Variants in SLC24A3 observed in about 807,000 individuals in gnomAD.
SLC24A3 encodes the protein solute carrier family 24 member 3.
A neutral mutation model predicts 75.8 loss-of-function variants in SLC24A3; 28 were observed. That is an observed-to-expected ratio of 0.37 (90% CI 0.27 to 0.51). The LOEUF (loss-of-function observed/expected upper bound fraction) is 0.51, where lower values mean the gene tolerates loss of function less well. SLC24A3 is among the 20% of genes least tolerant of loss of function. SLC24A3 has a pLI of 0.94. For missense variants in SLC24A3, 663 were observed against 847.8 expected (o/e 0.78, Z 2.71); for synonymous variants, 372 against 334.1 (o/e 1.11, Z -1.24).
At chr20:19,647,202 A>G (rs546587405) in intron 6 of SLC24A3, among the ~76,000 whole-genome samples, 2 of 152,154 alleles carry the variant, frequency 1.3e-5, no homozygotes, top group African/African-American at 2.4e-5. Context: ...CCCCACTAGG[A>G]TGGAGTCCCA....
chr20:19,466,690 G>A (rs1987771321), intron 2 of SLC24A3, among the ~76,000 whole-genome samples: 1 of 146,262 alleles, frequency 6.8e-6, no homozygotes, highest in African/African-American at 2.8e-5. Flanking sequence ...TTCAGTTTCT[G>A]AGGGTGGTAA....
intron 2 of SLC24A3, among the ~76,000 whole-genome samples, chr20:19,450,990 ACT>A (rs1987470344): frequency 2.0e-5 from 3 of 151,830 alleles, no homozygotes; most frequent in South Asian, 4.2e-4. Flanking sequence ...ACAGAGCGAG[ACT>A]CTGTTTCAAA....
intron 2 of SLC24A3, among the ~76,000 whole-genome samples, chr20:19,346,220 ATGTATATATGG>A (rs1568595793): frequency 0.021 from 1,743 of 84,886 alleles, 287 homozygotes; most frequent in African/African-American, 0.087. Flanking sequence ...TATGGTGTAT[ATGTATATATGG>A]TATATATATA....
At chr20:19,408,034 C>T (rs1213103323) in intron 2 of SLC24A3, among the ~76,000 whole-genome samples, 2 of 152,144 alleles carry the variant, frequency 1.3e-5, no homozygotes, top group African/African-American at 4.8e-5. Flanking sequence ...GTTTGCAAAA[C>T]GCTTCTAAGA....
chr20:19,631,791 A>AGTGTGTGTGTGTGTGTGTGTGTGT (rs148278633), intron 6 of SLC24A3, among the ~76,000 whole-genome samples: 2 of 147,838 alleles, frequency 1.4e-5, no homozygotes, highest in African/African-American at 5.0e-5. Flanking sequence ...TATGAGTGAG[A>AGTGTGTGTGTGTGTGTGTGTGTGT]GTGTGTGTGT....
At chr20:19,403,971 T>C (rs747062215) in intron 2 of SLC24A3, among the ~76,000 whole-genome samples, 9 of 152,246 alleles carry the variant, frequency 5.9e-5, no homozygotes, top group Admixed American at 1.3e-4. Flanking sequence ...TCAGGTCTCC[T>C]GTGTGCTTCT....
At chr20:19,455,250 C>A in intron 2 of SLC24A3, among the ~76,000 whole-genome samples, 2 of 152,204 alleles carry the variant, frequency 1.3e-5, no homozygotes, top group Middle Eastern at 6.8e-3. Flanking sequence ...TTTTTGTTTT[C>A]TTTTTCCATA....
At chr20:19,490,912 C>T (rs1408364662) in intron 2 of SLC24A3, among the ~76,000 whole-genome samples, 1 of 152,222 alleles carries the variant, frequency 6.6e-6, no homozygotes, top group African/African-American at 2.4e-5. Context: ...CTGCTCCTCC[C>T]TCATGGCAAT....
rs6035423 is a variant in SLC24A3, at chr20:19,709,820, C to A, written c.1720-7708C>A. 3.9e-5 allele frequency among the ~76,000 whole-genome samples: 6 copies of A among 152,080 alleles called. No homozygotes were observed. The East Asian group carries it at 1.2e-3, about 29-fold the overall frequency. ...TAAACTTGACTAAGTGGTTTAACCT[C>A]TCTGAGCCTCAGTTGTCTCATCTTT... On this transcript the variant is annotated intron_variant, in intron 15 of 16. Coordinates refer to ENST00000328041, the MANE Select transcript of SLC24A3 (RefSeq NM_020689.4).
At chr20:19,678,503 G>A (rs1255544381) in intron 9 of SLC24A3, among the ~76,000 whole-genome samples, 8 of 137,990 alleles carry the variant, frequency 5.8e-5, no homozygotes, top group South Asian at 2.3e-4. Flanking sequence ...GCGGCTGGCC[G>A]GGCGGGGGGC....
chr20:19,306,672 T>C (rs58419093), intron 2 of SLC24A3, among the ~76,000 whole-genome samples: 23,628 of 150,716 alleles, frequency 0.16, 4,490 homozygotes, highest in African/African-American at 0.43. Context: ...GACATAAAGA[T>C]GGGAACAATA....
chr20:19,284,797 C>T (rs1482090599), intron 2 of SLC24A3, among the ~76,000 whole-genome samples: 2 of 152,194 alleles, frequency 1.3e-5, no homozygotes, highest in East Asian at 3.8e-4. Flanking sequence ...GTTATATTCC[C>T]TGTTGGGGCA....
At chr20:19,682,288 C>G (rs1458227531) in intron 10 of SLC24A3, among the ~76,000 whole-genome samples, 3 of 152,108 alleles carry the variant, frequency 2.0e-5, no homozygotes, top group Non-Finnish European at 2.9e-5. Flanking sequence ...AAAAGGTAAC[C>G]AAGGAGATAT....
intron 3 of SLC24A3, among the ~76,000 whole-genome samples, chr20:19,552,167 T>C (rs2030707414): frequency 6.6e-6 from 1 of 152,174 alleles, no homozygotes; most frequent in Admixed American, 6.5e-5. Flanking sequence ...ATGTGAAAAT[T>C]GCATGGGGCC....
intron 1 of SLC24A3, among the ~76,000 whole-genome samples, chr20:19,231,033 A>G (rs6112262): frequency 0.065 from 9,929 of 152,250 alleles, 409 homozygotes; most frequent in Middle Eastern, 0.11. Context: ...ACCTGTTTCT[A>G]TGGTTTACCC....
Position 19,715,661 on chromosome 20 carries a change from C to T in SLC24A3, c.1720-1867C>T, listed in dbSNP as rs1600355082. Among the ~76,000 whole-genome samples the T allele has an allele frequency of 2.0e-5, 3 of 152,150 alleles. No individual in the cohort carries two copies. In the South Asian group the frequency reaches 6.2e-4, roughly 32 times the overall value. ...TTTTCTGTCCTGTCAGAAAATAAAC[C>T]TGACACACCCACCTATGGAGACTCC... is the stretch of plus-strand genomic sequence containing the variant. On this transcript the variant is annotated intron_variant, in intron 15 of 16. Transcript: ENST00000328041.
intron 6 of SLC24A3, among the ~76,000 whole-genome samples, chr20:19,616,174 C>A (rs942000382): frequency 6.6e-5 from 10 of 152,180 alleles, no homozygotes; most frequent in African/African-American, 2.4e-4. Flanking sequence ...CATCCTGGAA[C>A]CAAACTGCCA....
intron 15 of SLC24A3, among the ~76,000 whole-genome samples, chr20:19,702,970 T>C (rs560830323): frequency 6.6e-6 from 1 of 152,336 alleles, no homozygotes; most frequent in African/African-American, 2.4e-5. Context: ...TCATAAGTAA[T>C]GCTAACTTCC....
At chr20:19,331,638 T>A (rs888284564) in intron 2 of SLC24A3, among the ~76,000 whole-genome samples, 1 of 152,134 alleles carries the variant, frequency 6.6e-6, no homozygotes, top group Non-Finnish European at 1.5e-5. Context: ...AATAAATAAA[T>A]CAGGCCCCCT....
Sources: allele counts gnomAD v4.1 joint callset (sites outside exome capture counted in the v4.1 genomes callset), GRCh38; gene constraint gnomAD v4.1.1; transcripts MANE v1.5; gene names NCBI Gene and HGNC (gene_info 2026-07-23, HGNC 2026-07-21).